SHLD1: variants seen among roughly 807,000 people sequenced by gnomAD.
SHLD1 encodes the protein RINN1-REV7-interacting novel NHEJ regulator 3.
A neutral mutation model predicts 5.5 loss-of-function variants in SHLD1; 3 were observed. That is an observed-to-expected ratio of 0.54 (90% CI 0.25 to 1.40). SHLD1 has a LOEUF of 1.40. Among genes scored for constraint, SHLD1 ranks in the 40% most tolerant of loss-of-function variants. The pLI is 0.15. For missense variants in SHLD1, 210 were observed against 244.4 expected, an observed-to-expected ratio of 0.86 and a Z score of 0.94; for synonymous variants, 92 against 94.3, an observed-to-expected ratio of 0.98 and a Z score of 0.14.
At chr20:5,764,620 G>A (rs1254174561) in intron 1 of SHLD1, among the ~76,000 whole-genome samples, 2 of 151,610 alleles carry the variant, frequency 1.3e-5, no homozygotes, top group Non-Finnish European at 2.9e-5. Context: ...GATCACTTGA[G>A]CCCAGGAGGT....
chr20:5,828,749 C>T (rs2087694640), intron 2 of SHLD1, among the ~76,000 whole-genome samples: 1 of 152,092 alleles, frequency 6.6e-6, no homozygotes, highest in African/African-American at 2.4e-5. Flanking sequence ...CATTTCAAAT[C>T]GATTTAGTAA....
intron 2 of SHLD1, among the ~76,000 whole-genome samples, chr20:5,858,904 G>A (rs2088123618): frequency 6.6e-6 from 1 of 152,184 alleles, no homozygotes; most frequent in Non-Finnish European, 1.5e-5. Context: ...ACAATTGGAT[G>A]CATGCAAAAG....
rs761682523 is a variant in SHLD1, at chr20:5,806,223, C to T, written c.178+33180C>T. The stretch of plus-strand genomic sequence containing the variant: ...TGTTTTATGGGGACAATAATATCTA[C>T]CTGATGGGTGGACACATAGTAGCTG... On this transcript the variant is annotated intron_variant, in intron 2 of 2. Transcript: ENST00000303142. This position sits in a 1 kb window ranked among gnomAD's most constrained non-coding sequence, Gnocchi z 7.6. Among the ~76,000 whole-genome samples the T allele has an allele frequency of 6.6e-6, 1 of 152,158 alleles. No homozygotes were observed. The highest frequency in any genetic ancestry group is 1.5e-5 in the Non-Finnish European group (1 of 68,028).
At chr20:5,766,239 G>A (rs777118555) in intron 1 of SHLD1, among the ~76,000 whole-genome samples, 1 of 152,206 alleles carries the variant, frequency 6.6e-6, no homozygotes. Context: ...TGAAGCTTCA[G>A]GCTTGGTTGG....
intron 2 of SHLD1, among the ~76,000 whole-genome samples, chr20:5,823,496 G>A (rs962148608): frequency 2.0e-5 from 3 of 151,176 alleles, no homozygotes; most frequent in Admixed American, 6.6e-5. Flanking sequence ...TCACCAGGCC[G>A]GAGTGTAATG....
chr20:5,815,093 C>T (rs112681820), intron 2 of SHLD1, among the ~76,000 whole-genome samples: 3,238 of 152,260 alleles, frequency 0.021, 123 homozygotes, highest in African/African-American at 0.074. Flanking sequence ...TGCGAGACAG[C>T]GGCCCTGGGG....
chr20:5,773,009 C>G lies in SHLD1; in HGVS notation c.144C>G (p.Phe48Leu). Reference protein sequence around the residue: ...ANSEAFSSLEFHSFPYSSDVD... With the variant: ...ANSEAFSSLELHSFPYSSDVD... Reference sequence around the variant, plus strand: ...GCGAGGCTTTCAGTTCTTTGGAATTCCATTCTTTTCCTTATTCTTCTGATG... The same window carrying G: ...GCGAGGCTTTCAGTTCTTTGGAATTGCATTCTTTTCCTTATTCTTCTGATG... Residue 48 changes from phenylalanine to leucine, a missense_variant, in exon 2 of 3, where the codon TTC (phenylalanine) becomes TTG (leucine). Coordinates refer to ENST00000303142, the MANE Select transcript of SHLD1 (RefSeq NM_152504.4). 2 of 1,614,148 alleles carry G rather than the reference C, an allele frequency of 1.2e-6. No homozygotes were observed. Among genetic ancestry groups the G allele is most frequent in the Non-Finnish European group, 1.7e-6 (2 of 1,180,010 alleles).
chr20:5,770,170 A>G (rs766854919), intron 1 of SHLD1, among the ~76,000 whole-genome samples: 2 of 152,168 alleles, frequency 1.3e-5, no homozygotes, highest in Non-Finnish European at 2.9e-5. Context: ...GAAGATCTCA[A>G]TGCTTGGGGA....
intron 2 of SHLD1, among the ~76,000 whole-genome samples, chr20:5,780,541 A>G (rs1376518664): frequency 2.0e-5 from 3 of 152,130 alleles, no homozygotes; most frequent in Non-Finnish European, 2.9e-5. Context: ...CTGGAAGAGT[A>G]GTAGGCCAAG....
intron 2 of SHLD1, among the ~76,000 whole-genome samples, chr20:5,835,886 T>C (rs770618673): frequency 1.1e-4 from 16 of 152,188 alleles, no homozygotes; most frequent in Admixed American, 2.0e-4. Flanking sequence ...CTGTAAACCA[T>C]AGAGCTCACA....
chr20:5,811,177 G>A (rs906741959), intron 2 of SHLD1, among the ~76,000 whole-genome samples: 3 of 152,062 alleles, frequency 2.0e-5, no homozygotes, highest in East Asian at 1.9e-4. Flanking sequence ...TCCAAATTAC[G>A]TACCAGAAGC....
At position 5,857,227 on chromosome 20, in the gene SHLD1, T is replaced by C. The variant is rs2088100003; in HGVS notation, c.179-5797T>C. ...CTGAGCTCAGGTGATCCACCCGCCT[T>C]GGCCTCCCAAGGTGCTGAGCCACCA... On this transcript the variant is annotated intron_variant, in intron 2 of 2. Transcript: ENST00000303142. Among the ~76,000 whole-genome samples the C allele has an allele frequency of 3.3e-5, 5 of 152,182 alleles. No homozygotes were observed. The South Asian group carries it at 1.0e-3, about 31-fold the overall frequency.
intron 1 of SHLD1, among the ~76,000 whole-genome samples, chr20:5,759,144 C>T (rs867023161): frequency 4.0e-5 from 6 of 150,760 alleles, no homozygotes; most frequent in Non-Finnish European, 8.9e-5. Context: ...TTAGTAGAGA[C>T]GGGGTTCCGT....
In SHLD1 at chr20:5,806,187, G is replaced by A. The variant is rs751386501; in HGVS notation, c.178+33144G>A. Among the ~76,000 whole-genome samples the A allele has an allele frequency of 2.0e-4, 31 of 152,122 alleles. No homozygotes were observed. Among genetic ancestry groups the A allele is most frequent in the Non-Finnish European group, 7.3e-5 (5 of 68,034 alleles). ...GCTGCTTTATAATTTTTTACTTGGC[G>A]TTTCTTTATCTGTTTTATGGGGACA... On this transcript the variant is annotated intron_variant, in intron 2 of 2. Transcript: ENST00000303142. This position sits in a 1 kb window ranked among gnomAD's most constrained non-coding sequence, Gnocchi z 7.6.
At chr20:5,818,849 C>T (rs1207503892) in intron 2 of SHLD1, among the ~76,000 whole-genome samples, 1 of 152,028 alleles carries the variant, frequency 6.6e-6, no homozygotes, top group African/African-American at 2.4e-5. Flanking sequence ...TCCTGCCATG[C>T]AGTGTCCACT....
chr20:5,860,814 G>A (rs1217222363), intron 2 of SHLD1, among the ~76,000 whole-genome samples: 1 of 143,240 alleles, frequency 7.0e-6, no homozygotes, highest in East Asian at 2.1e-4. Flanking sequence ...AGTGTTCTTG[G>A]GAAGAACTTG....
At chr20:5,797,987 C>T (rs1226291852) in intron 2 of SHLD1, among the ~76,000 whole-genome samples, 3 of 152,214 alleles carry the variant, frequency 2.0e-5, no homozygotes, top group Non-Finnish European at 4.4e-5. Flanking sequence ...TGTGGAACAA[C>T]AACCATTATG....
At chr20:5,756,415 C>T (rs1399782135) in intron 1 of SHLD1, among the ~76,000 whole-genome samples, 1 of 152,094 alleles carries the variant, frequency 6.6e-6, no homozygotes, top group Non-Finnish European at 1.5e-5. Flanking sequence ...GGATAGCTTT[C>T]CATTCCTTTA....
chr20:5,772,048 G>C, intron 1 of SHLD1: 1 of 406,020 alleles, frequency 2.5e-6, no homozygotes, highest in South Asian at 1.7e-5. Flanking sequence ...CTAAATTTTT[G>C]TATTTGTAGT....
Sources: gnomAD v4.1 joint callset for allele counts (sites outside exome capture counted in the v4.1 genomes callset) on GRCh38, gnomAD v4.1.1 for gene constraint, Gnocchi (gnomAD v3.1) non-coding constraint, MANE v1.5 for transcripts, NCBI Gene and HGNC (gene_info 2026-07-23, HGNC 2026-07-21) for gene names.